The following ATP8A2 variants were observed in gnomAD, a reference collection of about 807,000 sequenced individuals.
The protein encoded by ATP8A2 is phospholipid-transporting ATPase IB.
In ATP8A2, 100 loss-of-function variants were observed where a neutral mutation model predicts 165.6. That is an observed-to-expected ratio of 0.60 (90% confidence interval 0.51 to 0.71). The LOEUF is 0.71. ATP8A2 is among the 30% of genes least tolerant of loss of function. The pLI is 0.00. For synonymous variants in ATP8A2, 543 were observed against 548.8 expected, an observed-to-expected ratio of 0.99 and a Z score of 0.15; for missense variants, 1,227 against 1,479.5, an observed-to-expected ratio of 0.83 and a Z score of 2.80.
In ATP8A2 at chr13:25,537,998, G is replaced by A; in HGVS notation, c.518G>A (p.Gly173Glu). 6.2e-7 allele frequency: 1 copy of A among 1,613,568 alleles called. No homozygotes were observed. ...TCCCTGTCTCTCTAGGTGGCAGTGG[G>A]AGACATTGTGAAGGTCGTCAATGGG... ...HTIMWKEVAVGDIVKVVNGQY... is the reference protein window; with the variant it reads ...HTIMWKEVAVEDIVKVVNGQY... The change falls in exon 7 of 37, where the codon GGA becomes GAA. Residue 173 changes from glycine (G) to glutamate (E), a missense_variant. Gly to Glu is a moderately conservative substitution (Grantham distance 98). This residue lies in a region of ATP8A2 where 356 missense variants were observed against 394.9 expected (regional missense o/e 0.90). Transcript: ENST00000381655.
intron 25 of ATP8A2, among the ~76,000 whole-genome samples, chr13:25,754,127 G>T (rs1347443624): frequency 6.6e-6 from 1 of 152,220 alleles, no homozygotes; most frequent in Non-Finnish European, 1.5e-5. Context: ...TAATTGCCTG[G>T]TGTATTTATG....
At chr13:25,805,955 G>T (rs1950724939) in intron 27 of ATP8A2, among the ~76,000 whole-genome samples, 1 of 152,090 alleles carries the variant, frequency 6.6e-6, no homozygotes, top group African/African-American at 2.4e-5. Flanking sequence ...TCAAATAACA[G>T]TATGCAGTGC....
chr13:25,859,670 G>A (rs970456618), intron 30 of ATP8A2, among the ~76,000 whole-genome samples: 4 of 152,072 alleles, frequency 2.6e-5, no homozygotes, highest in Admixed American at 6.5e-5. Context: ...GATAGACTCC[G>A]GAAGCTCATA....
chr13:25,952,898 AAGG>A (rs1273756351), intron 33 of ATP8A2, among the ~76,000 whole-genome samples: 3 of 152,172 alleles, frequency 2.0e-5, no homozygotes, highest in Non-Finnish European at 4.4e-5. Context: ...GTAAAAAGAG[AAGG>A]AGATTTACCT....
chr13:25,547,992 G>A (rs1386488585), intron 10 of ATP8A2, among the ~76,000 whole-genome samples: 1 of 152,126 alleles, frequency 6.6e-6, no homozygotes, highest in African/African-American at 2.4e-5. Flanking sequence ...GGGAGGCGGA[G>A]GTGGGCAGAT....
rs543973830 is a variant in ATP8A2 at position 25,736,648 on chromosome 13, C to G, written c.2385-32398C>G. Among the ~76,000 whole-genome samples, 5 of 152,274 alleles carry G rather than the reference C, an allele frequency of 3.3e-5. No individual in the cohort carries two copies. The South Asian group carries it at 1.0e-3, about 32-fold the overall frequency. On this transcript the variant is annotated intron_variant, in intron 25 of 36. Coordinates refer to ENST00000381655, the MANE Select transcript of ATP8A2 (RefSeq NM_016529.6). ...GCATCTGAATTCTGCTATTGCTGCA[C>G]AGAAGTTCCCATGGACAGTACATGA...
intron 27 of ATP8A2, among the ~76,000 whole-genome samples, chr13:25,823,087 A>C (rs778612770): frequency 6.6e-6 from 1 of 152,220 alleles, no homozygotes. Flanking sequence ...AGGAACCAAC[A>C]GAAGGCCACT....
chr13:25,851,052 G>A (rs1375640361), intron 30 of ATP8A2, among the ~76,000 whole-genome samples: 1 of 152,142 alleles, frequency 6.6e-6, no homozygotes, highest in African/African-American at 2.4e-5. Context: ...ACCTTGGTTT[G>A]GGACTTTCTC....
chr13:25,679,073 A>T (rs557618245), intron 24 of ATP8A2, among the ~76,000 whole-genome samples: 2 of 152,192 alleles, frequency 1.3e-5, no homozygotes, highest in Non-Finnish European at 2.9e-5. Flanking sequence ...TTAAAATTAC[A>T]CTTGGAAACC....
At chr13:25,462,751 C>CTTTTTTTTTTTTTTTTTTTTTTTTTTTTT (rs1486142210) in intron 1 of ATP8A2, among the ~76,000 whole-genome samples, 2 of 152,096 alleles carry the variant, frequency 1.3e-5, no homozygotes, top group African/African-American at 4.8e-5. Context: ...GGACCCCATT[C>CTTTTTTTTTTTTTTTTTTTTTTTTTTTTT]TTAAACCATC....
chr13:25,578,705 C>A, intron 20 of ATP8A2, 110 bp from the exon 21 acceptor site: 1 of 731,054 alleles, frequency 1.4e-6, no homozygotes, highest in Non-Finnish European at 2.4e-6. Context: ...TACTTACCCA[C>A]TCGGGTATTC....
At chr13:25,810,184 G>T (rs1950832234) in intron 27 of ATP8A2, among the ~76,000 whole-genome samples, 1 of 152,172 alleles carries the variant, frequency 6.6e-6, no homozygotes, top group African/African-American at 2.4e-5. Flanking sequence ...TCTGAACGAG[G>T]CTTCTTACTG....
intron 33 of ATP8A2, among the ~76,000 whole-genome samples, chr13:25,868,918 A>C (rs1378171666): frequency 6.6e-6 from 1 of 152,066 alleles, no homozygotes; most frequent in East Asian, 1.9e-4. Context: ...AAATAGAAAA[A>C]ATTATCCAGG....
chr13:25,947,435 C>T (rs1402377587), intron 33 of ATP8A2, among the ~76,000 whole-genome samples: 1 of 150,090 alleles, frequency 6.7e-6, no homozygotes, highest in African/African-American at 2.5e-5. Context: ...ACTGGTGAGG[C>T]CCGCTGTGGG....
intron 24 of ATP8A2, among the ~76,000 whole-genome samples, chr13:25,690,460 A>G (rs1375932939): frequency 6.6e-6 from 1 of 150,732 alleles, no homozygotes; most frequent in East Asian, 2.0e-4. Flanking sequence ...CTTCTTAGAC[A>G]AGGCAAGCCC....
At chr13:25,739,926 C>T (rs1231442618) in intron 25 of ATP8A2, among the ~76,000 whole-genome samples, 1 of 152,110 alleles carries the variant, frequency 6.6e-6, no homozygotes, top group Non-Finnish European at 1.5e-5. Flanking sequence ...ACCAAAATGC[C>T]AAAGGCAAGC....
At chr13:25,764,188 A>T (rs1380274150) in intron 25 of ATP8A2, among the ~76,000 whole-genome samples, 1 of 152,160 alleles carries the variant, frequency 6.6e-6, no homozygotes, top group African/African-American at 2.4e-5. Flanking sequence ...TTTCTGTGTC[A>T]TTACGAAAAA....
intron 28 of ATP8A2, among the ~76,000 whole-genome samples, chr13:25,831,602 G>A (rs939847449): frequency 6.6e-6 from 1 of 152,072 alleles, no homozygotes; most frequent in African/African-American, 2.4e-5. Flanking sequence ...CGGCACTTTG[G>A]GAGGCTGAAG....
intron 27 of ATP8A2, among the ~76,000 whole-genome samples, chr13:25,798,336 C>T (rs1193076678): frequency 2.0e-5 from 3 of 152,168 alleles, no homozygotes; most frequent in Admixed American, 2.0e-4. Flanking sequence ...AGTGTCATCT[C>T]GTTCTCTAAG....
Sources: gnomAD v4.1 joint callset for allele counts (sites outside exome capture counted in the v4.1 genomes callset) on GRCh38, gnomAD v4.1.1 for gene constraint, gnomAD v4.1.1 regional missense constraint, MANE v1.5 for transcripts, NCBI Gene and HGNC (gene_info 2026-07-23, HGNC 2026-07-21) for gene names.